STAB2: variants seen among roughly 807,000 people sequenced by gnomAD.
STAB2 encodes stabilin-2.
STAB2 carries 288 observed loss-of-function variants against 338.1 expected under a neutral mutation model. The observed-to-expected ratio is 0.85, with a 90% confidence interval of 0.77 to 0.94. The LOEUF (loss-of-function observed/expected upper bound fraction) is 0.94. Among genes scored for constraint, STAB2 ranks in the 40% least tolerant of loss-of-function variants. The pLI is 0.00. For missense variants in STAB2, 3,141 were observed against 3,210.1 expected (o/e 0.98, Z 0.52); for synonymous variants, 1,202 against 1,193.3 (o/e 1.01, Z -0.15).
chr12:103,741,585 C>A (rs146786269), intron 55 of STAB2, among the ~76,000 whole-genome samples: 26 of 152,306 alleles, frequency 1.7e-4, no homozygotes, highest in African/African-American at 5.5e-4. Flanking sequence ...TCTCAAGTAG[C>A]TGGGACTACA....
intron 68 of STAB2, 28 bp from the exon 69 acceptor site, chr12:103,766,258 T>A: frequency 6.2e-7 from 1 of 1,613,932 alleles, no homozygotes; most frequent in Non-Finnish European, 8.5e-7. Flanking sequence ...CAGAATGCCC[T>A]GCCCCCTTAC....
Position 103,748,946 on chromosome 12 carries a change from C to G in STAB2, c.6245-17C>G. On this transcript the variant is annotated splice_polypyrimidine_tract_variant and intron_variant, in intron 58 of 68. Coordinates refer to ENST00000388887, the MANE Select transcript of STAB2 (RefSeq NM_017564.10). ...CAGAAGGTGGTAAGTTGAGCCCTCT[C>G]TCCTCTGCTCTTGCAGTTGTGGATT... The G allele has an allele frequency of 6.2e-7, 1 of 1,607,134 alleles. No individual in the cohort carries two copies.
Position 103,650,515 on chromosome 12 carries a change from A to T in STAB2, c.1194A>T (p.Pro398=). The change falls in exon 11 of 69, where the codon CCA becomes CCT. Residue 398 remains proline (P), a synonymous_variant. Coordinates refer to ENST00000388887, the MANE Select transcript of STAB2 (RefSeq NM_017564.10). ...CCTAAGACAAAGCTTATGCCTGGCC[A>T]CTGAGTAAGCTGGGACCCTTCACGG... is the stretch of plus-strand genomic sequence containing the variant. ...ISLLDKAYAW[P]LSKLGPFTVL... The T allele has an allele frequency of 6.2e-7, 1 of 1,613,290 alleles. No homozygotes were observed.
In STAB2 at chr12:103,713,724, G is replaced by A; in HGVS notation, c.4493G>A (p.Cys1498Tyr). ...CKRTTPGRRVCTCKAGYTGDG... is the reference protein window; with the variant it reads ...CKRTTPGRRVYTCKAGYTGDG... ...AGAACCACCCCAGGAAGGCGAGTGT[G>A]CACGTGCAAAGCAGGCTACACGGGT... is the stretch of plus-strand genomic sequence containing the variant. Residue 1498 changes from cysteine (C) to tyrosine (Y), a missense_variant, in exon 42 of 69, where the codon TGC (cysteine) becomes TAC (tyrosine). Physicochemically the swap from Cys to Tyr is radical, Grantham distance 194 (BLOSUM62 -2). Transcript: ENST00000388887. 1.9e-6 allele frequency: 3 copies of A among 1,614,110 alleles called. No individual in the cohort carries two copies. The highest frequency in any genetic ancestry group is 2.5e-6 in the Non-Finnish European group (3 of 1,179,964).
intron 2 of STAB2, among the ~76,000 whole-genome samples, chr12:103,593,130 G>A (rs917630341): frequency 6.6e-6 from 1 of 152,202 alleles, no homozygotes; most frequent in African/African-American, 2.4e-5. Flanking sequence ...GTGAACATGA[G>A]AGTGAAGAGA....
rs1277215907 is a variant in STAB2, at chr12:103,688,532, TCAC to T, written c.3045+320_3045+322del. On this transcript the variant is annotated intron_variant, in intron 28 of 68. Coordinates refer to ENST00000388887, the MANE Select transcript of STAB2 (RefSeq NM_017564.10). ...AGTTAACATGACTCATCATTGTAATTCACCAAGTTCGATTTGGGATTTATAGCT... is the reference window on the plus strand; with the variant it reads ...AGTTAACATGACTCATCATTGTAATTCAAGTTCGATTTGGGATTTATAGCT... 3.9e-5 allele frequency among the ~76,000 whole-genome samples: 6 copies of T among 152,342 alleles called. No individual in the cohort carries two copies. In the East Asian group the frequency reaches 1.2e-3, roughly 29 times the overall value.
rs187095795 is a variant in STAB2, at chr12:103,607,434, C to T, written c.331+12924C>T. On this transcript the variant is annotated intron_variant, in intron 3 of 68. Transcript: ENST00000388887. The stretch of plus-strand genomic sequence containing the variant: ...TAAGTTTTAGGGTACATGTGCGCAA[C>T]GTGCAGGTTTGTTACATATGTATAC... 2.0e-3 allele frequency among the ~76,000 whole-genome samples: 306 copies of T among 149,932 alleles called. 2 individuals are homozygous for T. Among genetic ancestry groups the T allele is most frequent in the African/African-American group, 6.7e-3 (276 of 40,998 alleles).
chr12:103,760,513 G>A (rs549975353), intron 65 of STAB2, among the ~76,000 whole-genome samples: 19 of 152,222 alleles, frequency 1.2e-4, no homozygotes, highest in African/African-American at 2.2e-4. Context: ...TGCCTGCCTC[G>A]GCCTTCCAAA....
intron 3 of STAB2, among the ~76,000 whole-genome samples, chr12:103,610,185 G>T (rs2138594200): frequency 6.6e-6 from 1 of 151,964 alleles, no homozygotes. Context: ...TTGGTATCAG[G>T]ATGATGCTGG....
At chr12:103,620,362 T>G (rs1325118479) in intron 3 of STAB2, 106 bp from the exon 4 acceptor site, 2 of 1,058,580 alleles carry the variant, frequency 1.9e-6, no homozygotes, top group Non-Finnish European at 2.7e-6. Context: ...CTGCAATTAT[T>G]TCTTATCCCT....
rs764609454 is a variant in STAB2 at position 103,688,184 on chromosome 12, C to T, written c.3014C>T (p.Ser1005Phe). 7 of 1,613,858 alleles carry T rather than the reference C, an allele frequency of 4.3e-6. No individual in the cohort carries two copies. In the South Asian group the frequency reaches 6.6e-5, roughly 15 times the overall value. ...ATGAATAAGGAATTGTCATTTCTCT[C>T]CGAAGCAGCTATATTTAACCGATGG... Reference protein sequence around the residue: ...GNAAVELSFLSEAAIFNRWIN... With the variant: ...GNAAVELSFLFEAAIFNRWIN... Residue 1005 changes from serine (S) to phenylalanine (F), a missense_variant, in exon 28 of 69, where the codon TCC becomes TTC. Ser to Phe is a radical substitution (Grantham distance 155, BLOSUM62 -2). Transcript: ENST00000388887.
chr12:103,652,522 T>C, intron 11 of STAB2, 34 bp from the exon 12 acceptor site: 1 of 1,531,598 alleles, frequency 6.5e-7, no homozygotes, highest in Non-Finnish European at 8.8e-7. Flanking sequence ...ATTTTCTTCT[T>C]CAAATAATAG....
intron 39 of STAB2, among the ~76,000 whole-genome samples, chr12:103,710,044 C>A (rs534703736): frequency 2.6e-5 from 4 of 152,288 alleles, no homozygotes; most frequent in African/African-American, 9.6e-5. Context: ...CTCCTGCTCC[C>A]CTCTCACCAG....
rs200197044 is a variant in STAB2, at chr12:103,648,728, C to A, written c.1079C>A (p.Thr360Lys). The change falls in exon 10 of 69, where the codon ACG becomes AAG. Residue 360 changes from threonine (T) to lysine (K), a missense_variant. Thr to Lys is a moderately conservative substitution (Grantham distance 78). Transcript: ENST00000388887. ...AAAGGTTACGTGGGTGATGGCTTAACGTGTTATGGAAACATTATGGAGCGA... is the reference window on the plus strand; with the variant it reads ...AAAGGTTACGTGGGTGATGGCTTAAAGTGTTATGGAAACATTATGGAGCGA... ...CQKGYVGDGLTCYGNIMERLR... is the reference protein window; with the variant it reads ...CQKGYVGDGLKCYGNIMERLR... 11 of 1,613,880 alleles carry A rather than the reference C, an allele frequency of 6.8e-6. No homozygotes were observed. In the South Asian group the frequency reaches 8.8e-5, roughly 13 times the overall value.
At chr12:103,587,598 CATGAT>C in intron 1 of STAB2, 41 bp downstream of exon 1, 1 of 1,516,558 alleles carries the variant, frequency 6.6e-7, no homozygotes, top group Non-Finnish European at 9.1e-7. Context: ...TGTTAATTGT[CATGAT>C]ATGTTCAAAA....
chr12:103,699,290 G>A, intron 34 of STAB2, 63 bp downstream of exon 34: 1 of 1,550,182 alleles, frequency 6.5e-7, no homozygotes, highest in Non-Finnish European at 8.8e-7. Flanking sequence ...GAGAGTATGA[G>A]GAATGAGTGT....
chr12:103,758,202 A>G lies in STAB2; in HGVS notation c.7020A>G (p.Arg2340=). The G allele has an allele frequency of 6.2e-7, 1 of 1,614,142 alleles. No homozygotes were observed. The highest frequency in any genetic ancestry group is 1.6e-4 in the Middle Eastern group (1 of 6,062). ...TGGCCTATTCCAACAGCTCAGCTCG[A>G]GGCCGTGCATTTCTAGAACACCTGA... is the stretch of plus-strand genomic sequence containing the variant. ...EVLAYSNSSA[R]GRAFLEHLTD... is the part of the protein sequence containing the mutation. Residue 2340 remains arginine, a synonymous_variant, in exon 64 of 69, where the codon CGA becomes CGG. Coordinates refer to ENST00000388887, the MANE Select transcript of STAB2 (RefSeq NM_017564.10).
chr12:103,664,676 C>T (rs1874919317), intron 18 of STAB2, among the ~76,000 whole-genome samples: 1 of 152,146 alleles, frequency 6.6e-6, no homozygotes, highest in South Asian at 2.1e-4. Flanking sequence ...ACTGATTCCT[C>T]TTCTTGTTAT....
chr12:103,614,567 G>C (rs1008550312), intron 3 of STAB2, among the ~76,000 whole-genome samples: 1 of 152,150 alleles, frequency 6.6e-6, no homozygotes, highest in African/African-American at 2.4e-5. Context: ...GGTTTTTCTA[G>C]GCAACTAGAA....
Sources: allele counts gnomAD v4.1 joint callset (sites outside exome capture counted in the v4.1 genomes callset), GRCh38; gene constraint gnomAD v4.1.1; transcripts MANE v1.5; gene names NCBI Gene and HGNC (gene_info 2026-07-23, HGNC 2026-07-21).